HS3ST4: variants seen among roughly 807,000 people sequenced by gnomAD.
The protein encoded by HS3ST4 is heparan sulfate glucosamine 3-O-sulfotransferase 4.
A neutral mutation model predicts 29.2 loss-of-function variants in HS3ST4; 17 were observed. That is an observed-to-expected ratio of 0.58 (90% CI 0.40 to 0.87). The LOEUF is 0.87. HS3ST4 is among the 40% of genes least tolerant of loss of function. HS3ST4 has a pLI of 0.00. For synonymous variants in HS3ST4, 314 were observed against 285.7 expected (o/e 1.10, Z -1.00); for missense variants, 627 against 634.5 (o/e 0.99, Z 0.13).
chr16:25,989,334 G>A (rs1276111166), intron 1 of HS3ST4, among the ~76,000 whole-genome samples: 1 of 152,196 alleles, frequency 6.6e-6, no homozygotes, highest in Non-Finnish European at 1.5e-5. Flanking sequence ...AGGTTAAGGA[G>A]TTTCTTTGAG....
intron 1 of HS3ST4, among the ~76,000 whole-genome samples, chr16:25,928,355 A>AC (rs1365532381): frequency 1.3e-5 from 2 of 148,854 alleles, no homozygotes; most frequent in African/African-American, 2.5e-5. Context: ...ACAGAGCGAG[A>AC]CCCCATCTCT....
intron 1 of HS3ST4, among the ~76,000 whole-genome samples, chr16:25,990,606 A>T (rs898133855): frequency 6.6e-6 from 1 of 152,246 alleles, no homozygotes; most frequent in Non-Finnish European, 1.5e-5. Context: ...CACAGTGCTA[A>T]GTGACTTGGG....
At chr16:26,047,624 A>C (rs1450842117) in intron 1 of HS3ST4, among the ~76,000 whole-genome samples, 1 of 152,200 alleles carries the variant, frequency 6.6e-6, no homozygotes, top group Non-Finnish European at 1.5e-5. Context: ...TAAATGAAAA[A>C]GGCAGAATGC....
intron 1 of HS3ST4, among the ~76,000 whole-genome samples, chr16:25,897,471 A>G (rs1968078650): frequency 6.6e-6 from 1 of 152,124 alleles, no homozygotes; most frequent in Non-Finnish European, 1.5e-5. Flanking sequence ...ATGATAATAT[A>G]AAATTGGCCC....
At chr16:25,726,288 C>T (rs1596554000) in intron 1 of HS3ST4, among the ~76,000 whole-genome samples, 1 of 151,836 alleles carries the variant, frequency 6.6e-6, no homozygotes, top group Non-Finnish European at 1.5e-5. Flanking sequence ...TTGCAGTGAA[C>T]AAGTGGGTAC....
intron 1 of HS3ST4, among the ~76,000 whole-genome samples, chr16:25,853,171 AT>A (rs1005865227): frequency 6.6e-6 from 1 of 152,014 alleles, no homozygotes; most frequent in Non-Finnish European, 1.5e-5. Context: ...TGTTTTCTTA[AT>A]TTCTTTTTAA....
At chr16:25,879,772 T>A (rs117192976) in intron 1 of HS3ST4, among the ~76,000 whole-genome samples, 6,031 of 152,208 alleles carry the variant, frequency 0.04, 166 homozygotes, top group African/African-American at 0.079. Flanking sequence ...TACCCAAGAC[T>A]GGGTAATTTA....
At chr16:25,881,999 T>C (rs764449220) in intron 1 of HS3ST4, among the ~76,000 whole-genome samples, 1 of 152,216 alleles carries the variant, frequency 6.6e-6, no homozygotes, top group Non-Finnish European at 1.5e-5. Context: ...ATAGTTTTGC[T>C]TTTGGCAGCT....
intron 1 of HS3ST4, among the ~76,000 whole-genome samples, chr16:25,871,746 G>T (rs1485743138): frequency 6.6e-6 from 1 of 152,122 alleles, no homozygotes; most frequent in Non-Finnish European, 1.5e-5. Flanking sequence ...AACAGCTCAG[G>T]TAGCTATCTT....
chr16:25,818,299 C>A (rs555198030), intron 1 of HS3ST4, among the ~76,000 whole-genome samples: 1 of 152,146 alleles, frequency 6.6e-6, no homozygotes, highest in Non-Finnish European at 1.5e-5. Context: ...AATAAAGGGG[C>A]TGAAGGGACC....
chr16:25,765,206 C>CT lies in HS3ST4; in HGVS notation c.734+72063dup, dbSNP rs575411640. ...ATGTTTTGATCCTTAGAAGCAGACT[C>CT]TTTTTTTTGAATGTGAAAAGGAAAC... On this transcript the variant is annotated intron_variant, in intron 1 of 1. Coordinates refer to ENST00000331351, the MANE Select transcript of HS3ST4 (RefSeq NM_006040.3). 9.2e-5 allele frequency among the ~76,000 whole-genome samples: 14 copies of CT among 152,166 alleles called. No individual in the cohort carries two copies. In the East Asian group the frequency reaches 2.3e-3, roughly 25 times the overall value.
At chr16:26,119,467 G>A (rs1182988250) in intron 1 of HS3ST4, among the ~76,000 whole-genome samples, 1 of 152,196 alleles carries the variant, frequency 6.6e-6, no homozygotes, top group Non-Finnish European at 1.5e-5. Context: ...AAGGAAACAA[G>A]GAATCCGTGC....
chr16:26,016,588 A>G (rs1275857591), intron 1 of HS3ST4, among the ~76,000 whole-genome samples: 1 of 152,152 alleles, frequency 6.6e-6, no homozygotes, highest in Non-Finnish European at 1.5e-5. Context: ...ATTTTTTAAA[A>G]TGTGTTTTGT....
intron 1 of HS3ST4, among the ~76,000 whole-genome samples, chr16:25,760,501 C>T: frequency 6.6e-6 from 1 of 150,518 alleles, no homozygotes; most frequent in East Asian, 2.0e-4. Flanking sequence ...TCACTGCAAC[C>T]TCCACCTCCC....
chr16:25,781,276 C>G (rs576789792), intron 1 of HS3ST4, among the ~76,000 whole-genome samples: 8 of 152,302 alleles, frequency 5.3e-5, no homozygotes, highest in Admixed American at 3.9e-4. Flanking sequence ...AAAGTAGGCT[C>G]TTTTGCTCAT....
At chr16:25,952,159 C>G (rs1380662739) in intron 1 of HS3ST4, among the ~76,000 whole-genome samples, 1 of 152,126 alleles carries the variant, frequency 6.6e-6, no homozygotes, top group African/African-American at 2.4e-5. Flanking sequence ...GTAGTTGTAG[C>G]AGAGACAGCA....
chr16:25,762,772 G>A (rs1966796081), intron 1 of HS3ST4, among the ~76,000 whole-genome samples: 2 of 147,100 alleles, frequency 1.4e-5, no homozygotes, highest in African/African-American at 5.0e-5. Context: ...AGCTACTTGG[G>A]ATGCTGAGAT....
At chr16:25,824,097 T>C (rs943336101) in intron 1 of HS3ST4, among the ~76,000 whole-genome samples, 5 of 151,916 alleles carry the variant, frequency 3.3e-5, no homozygotes, top group South Asian at 2.1e-4. Context: ...AAGTGTGGAG[T>C]GCAGTTCACT....
At chr16:25,783,714 A>T (rs942479157) in intron 1 of HS3ST4, among the ~76,000 whole-genome samples, 1 of 152,224 alleles carries the variant, frequency 6.6e-6, no homozygotes, top group African/African-American at 2.4e-5. Flanking sequence ...CAAAACATTA[A>T]ATTTACCATT....
Sources: gnomAD v4.1 joint callset for allele counts (sites outside exome capture counted in the v4.1 genomes callset) on GRCh38, gnomAD v4.1.1 for gene constraint, MANE v1.5 for transcripts, NCBI Gene and HGNC (gene_info 2026-07-23, HGNC 2026-07-21) for gene names.